Variants in SLC9A5 observed in about 807,000 individuals in gnomAD.
SLC9A5 encodes sodium/hydrogen exchanger 5.
In SLC9A5, 52 loss-of-function variants were observed where a neutral mutation model predicts 91.7. That is an observed-to-expected ratio of 0.57 (90% CI 0.45 to 0.71). The LOEUF (loss-of-function observed/expected upper bound fraction) is 0.71, where lower values mean the gene tolerates loss of function less well. Among genes scored for constraint, SLC9A5 ranks in the 30% least tolerant of loss-of-function variants. The pLI is 0.00. For missense variants in SLC9A5, 871 were observed against 1,158.9 expected (o/e 0.75, Z 3.61); for synonymous variants, 419 against 474.5 (o/e 0.88, Z 1.52).
intron 12 of SLC9A5, 108 bp from the exon 13 acceptor site, chr16:67,264,244 A>C: frequency 1.1e-6 from 1 of 907,926 alleles, no homozygotes; most frequent in South Asian, 1.6e-5. Context: ...AATTCTGGAA[A>C]AGCTGGGCTG....
chr16:67,260,349 C>A, intron 12 of SLC9A5, among the ~76,000 whole-genome samples: 1 of 81,052 alleles, frequency 1.2e-5, no homozygotes, highest in Non-Finnish European at 1.9e-5. Context: ...AGCAAGACTC[C>A]ATCTCAAAAA....
At chr16:67,253,057 C>T (rs1281755804) in intron 2 of SLC9A5, among the ~76,000 whole-genome samples, 1 of 152,238 alleles carries the variant, frequency 6.6e-6, no homozygotes, top group African/African-American at 2.4e-5. Context: ...GAGCAGGAGT[C>T]TGGCTCCCAG....
chr16:67,270,805 C>A lies in SLC9A5; in HGVS notation c.2286C>A (p.Leu762=), dbSNP rs772400093. The A allele has an allele frequency of 2.5e-6, 4 of 1,614,086 alleles. No homozygotes were observed. The highest frequency in any genetic ancestry group is 3.4e-6 in the Non-Finnish European group (4 of 1,179,988). Residue 762 remains leucine, a synonymous_variant, in exon 16 of 16, where the codon CTC becomes CTA. Coordinates refer to ENST00000299798, the MANE Select transcript of SLC9A5 (RefSeq NM_004594.3). This position sits in a 1 kb window ranked among gnomAD's most constrained non-coding sequence, Gnocchi z 4.3. ...CCCCAACCTGTGCAGAAAAGGAGCT[C>A]CCCTGGAAGAGTGGGCAGGGGGACC... The part of the protein sequence containing the change: ...PPSPTCAEKE[L]PWKSGQGDLA...
rs556895044 is a variant in SLC9A5, at chr16:67,257,202, G to T, written c.1335+89G>T. The stretch of plus-strand genomic sequence containing the variant: ...CTGTGGGACAGGGGCTTCTCTTCCC[G>T]CTGGGAGATGGAGGGCCCTGACTTC... On this transcript the variant is annotated intron_variant, in intron 7 of 15. Coordinates refer to ENST00000299798, the MANE Select transcript of SLC9A5 (RefSeq NM_004594.3). The surrounding 1 kb of genome is among the most constrained non-coding windows in gnomAD (Gnocchi z 5.1). 3.5e-6 allele frequency: 5 copies of T among 1,424,646 alleles called. No homozygotes were observed. Among genetic ancestry groups the T allele is most frequent in the Admixed American group, 3.6e-5 (2 of 56,054 alleles). 88.3% of individuals were successfully genotyped at this position (1,424,646 alleles called of 1,614,324 possible). A position where few individuals can be genotyped will look rare whatever the true frequency, so the allele number is the denominator to read the frequency against.
chr16:67,251,971 TC>T (rs2035140263), intron 1 of SLC9A5, among the ~76,000 whole-genome samples: 1 of 151,980 alleles, frequency 6.6e-6, no homozygotes, highest in Non-Finnish European at 1.5e-5. Flanking sequence ...AAAGGTGAGG[TC>T]CCCTGAGGAT....
intron 12 of SLC9A5, chr16:67,263,357 A>C (rs2035593430): frequency 6.6e-6 from 1 of 152,182 alleles, no homozygotes; most frequent in African/African-American, 2.4e-5. Flanking sequence ...ATTTGAGGCA[A>C]GATAAGATGA....
In SLC9A5 at chr16:67,271,295, T is replaced by C. The variant is rs1330623014; in HGVS notation, c.*85T>C. On this transcript the variant is annotated 3_prime_UTR_variant, in exon 16 of 16. Transcript: ENST00000299798. ...TGGGTAGAGCCCTCGAAACTTGACATGGGGCCAGAAGGGCCTGGGTTGAAG... is the reference window on the plus strand; with the variant it reads ...TGGGTAGAGCCCTCGAAACTTGACACGGGGCCAGAAGGGCCTGGGTTGAAG... The C allele has an allele frequency of 1.5e-5, 19 of 1,239,668 alleles. No individual in the cohort carries two copies. The highest frequency in any genetic ancestry group is 2.0e-5 in the Non-Finnish European group (18 of 880,126). 76.8% of individuals were successfully genotyped at this position (1,239,668 alleles called of 1,614,324 possible). A position where few individuals can be genotyped will look rare whatever the true frequency, so the allele number is the denominator to read the frequency against.
intron 2 of SLC9A5, among the ~76,000 whole-genome samples, chr16:67,254,386 CTATTT>C (rs2035235633): frequency 6.6e-6 from 1 of 152,086 alleles, no homozygotes; most frequent in Non-Finnish European, 1.5e-5. Flanking sequence ...TGCTTTTTCC[CTATTT>C]TATTTTATTT....
chr16:67,261,937 T>TGTGG (rs1442100056), intron 12 of SLC9A5: 3 of 225,866 alleles, frequency 1.3e-5, no homozygotes, highest in African/African-American at 6.8e-5. Flanking sequence ...GGTGTGTGTG[T>TGTGG]GTGTGTGTGT....
Position 67,258,246 on chromosome 16 carries a change from C to A in SLC9A5, c.1497-72C>A. ...AGGCCAGTGCTGACGGTGTCCTTGC[C>A]CCGTCTGAGGAAGGGCCACCTGGCC... On this transcript the variant is annotated intron_variant, in intron 9 of 15. Transcript: ENST00000299798. The surrounding 1 kb of genome is among the most constrained non-coding windows in gnomAD (Gnocchi z 4.5). 2 of 1,551,048 alleles carry A rather than the reference C, an allele frequency of 1.3e-6. No homozygotes were observed. Among genetic ancestry groups the A allele is most frequent in the Non-Finnish European group, 1.8e-6 (2 of 1,131,846 alleles).
rs1258406067 is a variant in SLC9A5 at position 67,256,298 on chromosome 16, G to C, written c.912-171G>C. Among the ~76,000 whole-genome samples the C allele has an allele frequency of 2.0e-5, 3 of 152,174 alleles. No individual in the cohort carries two copies. The highest frequency in any genetic ancestry group is 2.0e-4 in the Admixed American group (3 of 15,284). The stretch of plus-strand genomic sequence containing the variant: ...CACTGAATGGGAAGCCTGGAGATCT[G>C]GACTCTTAGCCCAGCACTACCATTC... On this transcript the variant is annotated intron_variant, in intron 5 of 15. Transcript: ENST00000299798. This position sits in a 1 kb window ranked among gnomAD's most constrained non-coding sequence, Gnocchi z 4.1.
In SLC9A5 at chr16:67,255,990, C is replaced by T; in HGVS notation, c.911+60C>T. 6.4e-7 allele frequency: 1 copy of T among 1,555,140 alleles called. No homozygotes were observed. The highest frequency in any genetic ancestry group is 8.8e-7 in the Non-Finnish European group (1 of 1,141,896). The stretch of plus-strand genomic sequence containing the variant: ...GAGGGGGCACTGGAGATGGTTGCCC[C>T]TCATAGGGACACAGGCAGGAACTTC... On this transcript the variant is annotated intron_variant, in intron 5 of 15. Transcript: ENST00000299798. This position sits in a 1 kb window ranked among gnomAD's most constrained non-coding sequence, Gnocchi z 4.9.
chr16:67,261,412 C>T (rs1294644946), intron 12 of SLC9A5: 4 of 152,206 alleles, frequency 2.6e-5, no homozygotes, highest in Admixed American at 1.3e-4. Flanking sequence ...ATCTATCAAC[C>T]AGCACTGAAA....
At position 67,271,163 on chromosome 16, in the gene SLC9A5, G is replaced by A. The variant is rs750666129; in HGVS notation, c.2644G>A (p.Ala882Thr). ...KDHTHLSPGT[A>T]TSHWCIQFNR... ...CCACACCCATCTCAGCCCAGGCACC[G>A]CTACCTCCCACTGGTGCATCCAGTT... The change falls in exon 16 of 16, where the codon GCT becomes ACT. Residue 882 changes from alanine (A) to threonine (T), a missense_variant. By Grantham distance (58) the Ala-to-Thr change is moderately conservative. This residue lies in a region of SLC9A5 where 295 missense variants were observed against 326.0 expected (regional missense o/e 0.90). Coordinates refer to ENST00000299798, the MANE Select transcript of SLC9A5 (RefSeq NM_004594.3). The A allele has an allele frequency of 8.1e-6, 13 of 1,612,942 alleles. No individual in the cohort carries two copies. The highest frequency in any genetic ancestry group is 1.0e-5 in the Non-Finnish European group (12 of 1,180,016).
intron 15 of SLC9A5, 25 bp downstream of exon 15, chr16:67,266,250 T>G: frequency 6.4e-7 from 1 of 1,569,346 alleles, no homozygotes; most frequent in East Asian, 2.4e-5. Context: ...CCTGCCCACC[T>G]CCCCTCTGGA....
Position 67,270,788 on chromosome 16 carries a change from T to C in SLC9A5, c.2269T>C (p.Cys757Arg). 1 of 1,613,870 alleles carries C rather than the reference T, an allele frequency of 6.2e-7. No homozygotes were observed. The change falls in exon 16 of 16, where the codon TGT becomes CGT. Residue 757 changes from cysteine (C) to arginine (R), a missense_variant. Physicochemically the swap from Cys to Arg is radical, Grantham distance 180. Around this residue, in one of 3 missense-constraint regions of SLC9A5, gnomAD observed 295 missense variants for 326.0 expected, o/e 0.90. Coordinates refer to ENST00000299798, the MANE Select transcript of SLC9A5 (RefSeq NM_004594.3). The surrounding 1 kb of genome is among the most constrained non-coding windows in gnomAD (Gnocchi z 4.3). ...ACGAATCATTCCCCCCTCCCCAACC[T>C]GTGCAGAAAAGGAGCTCCCCTGGAA... ...SPRIIPPSPTCAEKELPWKSG... is the reference protein window; with the variant it reads ...SPRIIPPSPTRAEKELPWKSG...
rs1942448807 is a variant in SLC9A5 at position 67,257,345 on chromosome 16, G to A, written c.1336G>A (p.Gly446Ser). The A allele has an allele frequency of 6.2e-7, 1 of 1,613,572 alleles. No individual in the cohort carries two copies. Among genetic ancestry groups the A allele is most frequent in the Admixed American group, 1.7e-5 (1 of 60,004 alleles). ...VVVFFTVIVQGLTIKPLVKWL... is the reference protein window; with the variant it reads ...VVVFFTVIVQSLTIKPLVKWL... ...GGGCTCACCTCCTGCCTGTCCATAG[G>A]GCTTGACCATCAAGCCACTGGTCAA... The change falls in exon 8 of 16, where the codon GGC becomes AGC. Residue 446 changes from glycine to serine, a missense_variant and splice_region_variant. This residue lies in a region of SLC9A5 where 454 missense variants were observed against 718.3 expected (regional missense o/e 0.63). Transcript: ENST00000299798. This position sits in a 1 kb window ranked among gnomAD's most constrained non-coding sequence, Gnocchi z 5.1.
chr16:67,260,295 CA>C (rs1422389140), intron 12 of SLC9A5, among the ~76,000 whole-genome samples: 18 of 134,404 alleles, frequency 1.3e-4, no homozygotes, highest in African/African-American at 4.8e-4. Flanking sequence ...GCAGAGGTTG[CA>C]ATGAGCTGAG....
intron 11 of SLC9A5, 42 bp downstream of exon 11, chr16:67,259,703 A>G (rs1043154836): frequency 6.3e-7 from 1 of 1,597,290 alleles, no homozygotes; most frequent in Admixed American, 1.7e-5. Flanking sequence ...ACTCCTCTCC[A>G]TTGTGCCCTC....
Sources: allele counts gnomAD v4.1 joint callset (sites outside exome capture counted in the v4.1 genomes callset), GRCh38; gene constraint gnomAD v4.1.1; regional missense constraint gnomAD v4.1.1; non-coding constraint Gnocchi (gnomAD v3.1); transcripts MANE v1.5; gene names NCBI Gene and HGNC (gene_info 2026-07-23, HGNC 2026-07-21).